LRRC47: variants seen among roughly 807,000 people sequenced by gnomAD.
LRRC47 encodes the protein leucine rich repeat containing 47, also known as leucine-rich repeat-containing protein 47.
LRRC47 carries 31 observed loss-of-function variants against 40.9 expected under a neutral mutation model. The observed-to-expected ratio is 0.76, with a 90% CI of 0.57 to 1.02. The LOEUF is 1.02. LRRC47 is among the 50% of genes least tolerant of loss of function. The pLI, the probability that LRRC47 is intolerant of heterozygous loss-of-function variation, is 0.00. For synonymous variants in LRRC47, 427 were observed against 371.9 expected (o/e 1.15, Z -1.70); for missense variants, 726 against 796.1 (o/e 0.91, Z 1.06).
rs1464850459 is a variant in LRRC47 at position 3,782,597 on chromosome 1, C to T, written c.1413+64G>A. ...GTGTTGAGCCACCACGCCCCGCAGA[C>T]TTGTGTTAATTCTACAGGGAACAGC... On this transcript the variant is annotated intron_variant, in intron 5 of 6. Coordinates refer to ENST00000378251, the MANE Select transcript of LRRC47 (RefSeq NM_020710.3). The T allele has an allele frequency of 7.0e-5, 70 of 995,148 alleles. 4 individuals are homozygous for T. The South Asian group carries it at 8.9e-4, about 13-fold the overall frequency. 61.6% of individuals were successfully genotyped at this position (995,148 alleles called of 1,614,324 possible).
Position 3,785,134 on chromosome 1 carries a change from C to A in LRRC47, c.1147G>T (p.Val383Phe). 6.3e-7 allele frequency: 1 copy of A among 1,599,680 alleles called. No homozygotes were observed. Among genetic ancestry groups the A allele is most frequent in the Non-Finnish European group, 8.5e-7 (1 of 1,173,610 alleles). Residue 383 changes from valine to phenylalanine, a missense_variant, in exon 3 of 7, where the codon GTC becomes TTC. Physicochemically the swap from Val to Phe is conservative, Grantham distance 50. Coordinates refer to ENST00000378251, the MANE Select transcript of LRRC47 (RefSeq NM_020710.3). ...GCGCAGTACAGCAGGGGCCCTTTGA[C>A]GGCACGGAGCTCGTGGGTGGCAAGG... ...ATLATHELRA[V>F]KGPLLYCARP...
At position 3,784,300 on chromosome 1, in the gene LRRC47, G is replaced by A. The variant is rs113081886; in HGVS notation, c.1195-189C>T. The A allele has an allele frequency of 2.2e-4, 127 of 581,554 alleles. 1 individual carries two copies. Among genetic ancestry groups the A allele is most frequent in the African/African-American group, 1.6e-3 (87 of 53,706 alleles). 36.0% of individuals were successfully genotyped at this position (581,554 alleles called of 1,614,324 possible). ...ATGTGGGCTGCCACTGCAGCGTCCC[G>A]GGGAGACCTGACGCCCAAACACACC... On this transcript the variant is annotated intron_variant, in intron 3 of 6. Transcript: ENST00000378251.
intron 2 of LRRC47, 191 bp from the exon 3 acceptor site, chr1:3,785,394 C>T (rs1475927771): frequency 9.0e-6 from 3 of 332,220 alleles, no homozygotes; most frequent in Non-Finnish European, 1.1e-5. Context: ...CAGGCACTCA[C>T]TTTGTGGAAT....
chr1:3,790,915 C>T (rs1570740445), intron 1 of LRRC47, among the ~76,000 whole-genome samples: 1 of 152,174 alleles, frequency 6.6e-6, no homozygotes, highest in Non-Finnish European at 1.5e-5. Flanking sequence ...ATTTTGGCGG[C>T]CCCTAAAGAG....
chr1:3,792,175 G>C (rs1643632397), intron 1 of LRRC47, among the ~76,000 whole-genome samples: 1 of 152,196 alleles, frequency 6.6e-6, no homozygotes, highest in African/African-American at 2.4e-5. Context: ...TAGCTACATT[G>C]CTGGGCATAG....
intron 5 of LRRC47, 35 bp downstream of exon 5, chr1:3,782,626 G>A: frequency 8.2e-7 from 1 of 1,213,476 alleles, no homozygotes; most frequent in Non-Finnish European, 1.2e-6. Flanking sequence ...GAACAGCCTA[G>A]AAGACACACC....
Position 3,779,792 on chromosome 1 carries a change from C to G in LRRC47, c.*1296G>C, listed in dbSNP as rs12061931. On this transcript the variant is annotated 3_prime_UTR_variant, in exon 7 of 7. Coordinates refer to ENST00000378251, the MANE Select transcript of LRRC47 (RefSeq NM_020710.3). Reference sequence around the variant, plus strand: ...AGCGTGCACACGATGGAAACCCCACCGATGCCGCTCTCCTCCGCTTGGCCC... The same window carrying G: ...AGCGTGCACACGATGGAAACCCCACGGATGCCGCTCTCCTCCGCTTGGCCC... 1.8e-4 allele frequency: 28 copies of G among 152,116 alleles called. No individual in the cohort carries two copies. Among genetic ancestry groups the G allele is most frequent in the African/African-American group, 6.8e-4 (28 of 41,348 alleles). The allele number at this position is 152,116 out of a possible 1,614,324, so 9.4% of individuals were successfully genotyped here.
chr1:3,782,903 G>C (rs532446269), intron 4 of LRRC47, 140 bp from the exon 5 acceptor site: 7 of 653,480 alleles, frequency 1.1e-5, no homozygotes, highest in South Asian at 8.6e-5. Flanking sequence ...GCTGGGGTGT[G>C]CTGTGCCAAT....
chr1:3,782,831 T>G, intron 4 of LRRC47, 68 bp from the exon 5 acceptor site: 3 of 997,834 alleles, frequency 3.0e-6, no homozygotes, highest in Non-Finnish European at 4.8e-6. Flanking sequence ...TGTGGTGGCA[T>G]GTGCCTGTGG....
At position 3,781,005 on chromosome 1, in the gene LRRC47, G is replaced by GA; in HGVS notation, c.*82dup. On this transcript the variant is annotated 3_prime_UTR_variant, in exon 7 of 7. Coordinates refer to ENST00000378251, the MANE Select transcript of LRRC47 (RefSeq NM_020710.3). ...AAAAAACCAACAAAAAAACTGGGGT[G>GA]AAAATCTAACGGATAATTCAGCATT... The GA allele has an allele frequency of 6.5e-7, 1 of 1,537,690 alleles. No individual in the cohort carries two copies. Among genetic ancestry groups the GA allele is most frequent in the Non-Finnish European group, 8.7e-7 (1 of 1,143,932 alleles).
At chr1:3,786,496 T>TA (rs112460309) in intron 2 of LRRC47, among the ~76,000 whole-genome samples, 5,441 of 145,162 alleles carry the variant, frequency 0.037, 226 homozygotes, top group African/African-American at 0.1. Context: ...CGAGACTCCT[T>TA]AAAAAAAAAA....
In LRRC47 at chr1:3,782,775, G is replaced by A. The variant is rs775405747; in HGVS notation, c.1311-12C>T. On this transcript the variant is annotated splice_polypyrimidine_tract_variant and intron_variant, in intron 4 of 6. Coordinates refer to ENST00000378251, the MANE Select transcript of LRRC47 (RefSeq NM_020710.3). ...GCAAGTGAAGGTATCTGTATGGGAA[G>A]AAATACAAATTCCAGGCATAATTAT... 29 of 1,461,192 alleles carry A rather than the reference G, an allele frequency of 2.0e-5. No homozygotes were observed. Among genetic ancestry groups the A allele is most frequent in the Middle Eastern group, 3.4e-4 (2 of 5,820 alleles). 90.5% of individuals were successfully genotyped at this position (1,461,192 alleles called of 1,614,324 possible). A position where few individuals can be genotyped will look rare whatever the true frequency, so the allele number is the denominator to read the frequency against.
At chr1:3,793,919 G>C (rs972770292) in intron 1 of LRRC47, among the ~76,000 whole-genome samples, 1 of 152,098 alleles carries the variant, frequency 6.6e-6, no homozygotes, top group African/African-American at 2.4e-5. Context: ...AAACTCGGCC[G>C]GGCGCGGTGG....
At chr1:3,791,514 C>G (rs1643625986) in intron 1 of LRRC47, among the ~76,000 whole-genome samples, 1 of 152,156 alleles carries the variant, frequency 6.6e-6, no homozygotes, top group Non-Finnish European at 1.5e-5. Context: ...TGGAGTGCAA[C>G]AGCACCATCT....
At chr1:3,783,562 T>C (rs1643542257) in intron 4 of LRRC47, among the ~76,000 whole-genome samples, 1 of 152,180 alleles carries the variant, frequency 6.6e-6, no homozygotes. Context: ...CTGAAGCCTG[T>C]GTTTACAGAA....
chr1:3,782,781 C>A lies in LRRC47; in HGVS notation c.1311-18G>T. On this transcript the variant is annotated intron_variant, in intron 4 of 6. Transcript: ENST00000378251. ...GAAGGTATCTGTATGGGAAGAAATA[C>A]AAATTCCAGGCATAATTATAAAAGA... The A allele has an allele frequency of 7.1e-7, 1 of 1,399,264 alleles. No homozygotes were observed. The highest frequency in any genetic ancestry group is 1.0e-6 in the Non-Finnish European group (1 of 983,890). 86.7% of individuals were successfully genotyped at this position (1,399,264 alleles called of 1,614,324 possible).
At position 3,781,015 on chromosome 1, in the gene LRRC47, C is replaced by T. The variant is rs910766302; in HGVS notation, c.*73G>A. The stretch of plus-strand genomic sequence containing the variant: ...CAAAAAAACTGGGGTGAAAATCTAA[C>T]GGATAATTCAGCATTGCCGCATAGA... On this transcript the variant is annotated 3_prime_UTR_variant, in exon 7 of 7. Transcript: ENST00000378251. 15 of 1,545,542 alleles carry T rather than the reference C, an allele frequency of 9.7e-6. No homozygotes were observed. The East Asian group carries it at 1.4e-4, about 14-fold the overall frequency.
rs201032918 is a variant in LRRC47, at chr1:3,778,674, G to C, written c.*2414C>G. On this transcript the variant is annotated 3_prime_UTR_variant, in exon 7 of 7. Transcript: ENST00000378251. ...TCCAGCATCTCACGCATCACAAGCT[G>C]CATCAGGAAAGGGCACAGCATGTGG... 2.6e-5 allele frequency: 4 copies of C among 152,984 alleles called. No homozygotes were observed. The East Asian group carries it at 7.7e-4, about 29-fold the overall frequency. The allele number at this position is 152,984 out of a possible 1,614,324, so 9.5% of individuals were successfully genotyped here. A position where few individuals can be genotyped will look rare whatever the true frequency, so the allele number is the denominator to read the frequency against.
intron 1 of LRRC47, among the ~76,000 whole-genome samples, chr1:3,788,864 G>A (rs1401289141): frequency 2.6e-5 from 4 of 152,178 alleles, no homozygotes; most frequent in Non-Finnish European, 4.4e-5. Flanking sequence ...GGAGAGAATG[G>A]GGCAGTCTAA....
Sources: allele counts gnomAD v4.1 joint callset (sites outside exome capture counted in the v4.1 genomes callset), GRCh38; gene constraint gnomAD v4.1.1; transcripts MANE v1.5; gene names NCBI Gene and HGNC (gene_info 2026-07-23, HGNC 2026-07-21).